Variants in CASD1 observed in about 807,000 individuals in gnomAD.
CASD1 encodes the protein N-acetylneuraminate (7)9-O-acetyltransferase.
In CASD1, 41 loss-of-function variants were observed where a neutral mutation model predicts 100.0. The observed-to-expected ratio is 0.41, with a 90% CI of 0.32 to 0.53. The LOEUF is 0.53. Among genes scored for constraint, CASD1 ranks in the 20% least tolerant of loss-of-function variants. The pLI is 0.25. For synonymous variants in CASD1, 321 were observed against 315.6 expected (o/e 1.02, Z -0.18); for missense variants, 774 against 948.7 (o/e 0.82, Z 2.42).
intron 13 of CASD1, among the ~76,000 whole-genome samples, chr7:94,547,672 C>A (rs1029589336): frequency 1.3e-5 from 2 of 151,458 alleles, no homozygotes; most frequent in Non-Finnish European, 1.5e-5. Context: ...TTAGCTCTAA[C>A]CTTGTATTTT....
chr7:94,558,449 C>T (rs1362860029), downstream of CASD1, among the ~76,000 whole-genome samples: 1 of 152,060 alleles, frequency 6.6e-6, no homozygotes, highest in Non-Finnish European at 1.5e-5. Context: ...GAAAGAAATT[C>T]AATTCTTCAC....
rs773217408 is a variant in CASD1 at position 94,555,933 on chromosome 7, A to T, written c.*175A>T. ...GGTTGTATATATTGGAAATGTACATATCCAATATGAAATACTAAAACAAAC... is the reference window on the plus strand; with the variant it reads ...GGTTGTATATATTGGAAATGTACATTTCCAATATGAAATACTAAAACAAAC... On this transcript the variant is annotated 3_prime_UTR_variant, in exon 18 of 18. Coordinates refer to ENST00000297273, the MANE Select transcript of CASD1 (RefSeq NM_022900.5). 3.9e-5 allele frequency: 24 copies of T among 607,976 alleles called. No homozygotes were observed. Among genetic ancestry groups the T allele is most frequent in the Admixed American group, 2.0e-4 (6 of 30,596 alleles). 37.7% of individuals were successfully genotyped at this position (607,976 alleles called of 1,614,324 possible). A position where few individuals can be genotyped will look rare whatever the true frequency, so the allele number is the denominator to read the frequency against.
intron 9 of CASD1, 106 bp downstream of exon 9, chr7:94,538,000 T>C (rs745669660): frequency 1.6e-5 from 11 of 686,226 alleles, no homozygotes; most frequent in Admixed American, 1.5e-4. Context: ...CAAACAGGTA[T>C]AGAGATGAAG....
intron 12 of CASD1, 88 bp downstream of exon 12, chr7:94,545,789 T>A: frequency 1.3e-6 from 1 of 791,748 alleles, no homozygotes; most frequent in Non-Finnish European, 2.0e-6. Flanking sequence ...TTATTTTTAT[T>A]AAGTGATGTA....
the CASD1 span, among the ~76,000 whole-genome samples, chr7:94,593,980 T>C: frequency 6.6e-6 from 1 of 152,070 alleles, no homozygotes; most frequent in Non-Finnish European, 1.5e-5. Flanking sequence ...CAAATTCCCA[T>C]ACTCAGAGCC....
chr7:94,537,960 A>T, intron 9 of CASD1, 66 bp downstream of exon 9: 1 of 876,574 alleles, frequency 1.1e-6, no homozygotes, highest in African/African-American at 1.7e-5. Flanking sequence ...TGTGTTAAAG[A>T]ACTAATATCA....
In CASD1 at chr7:94,510,080, C is replaced by T. The variant is rs757794030; in HGVS notation, c.-5C>T. 5 of 1,515,548 alleles carry T rather than the reference C, an allele frequency of 3.3e-6. No individual in the cohort carries two copies. In the South Asian group the frequency reaches 3.7e-5, roughly 11 times the overall value. The allele number at this position is 1,515,548 out of a possible 1,614,324, so 93.9% of individuals were successfully genotyped here. On this transcript the variant is annotated 5_prime_UTR_variant, in exon 1 of 18. Coordinates refer to ENST00000297273, the MANE Select transcript of CASD1 (RefSeq NM_022900.5). ...GCCGCGCACTGTTGTCATGGAGGAA[C>T]CAAGATGGCGGCTCTGGCCTACAAC...
the CASD1 span, chr7:94,588,591 TG>T: frequency 1.3e-6 from 2 of 1,555,052 alleles, no homozygotes; most frequent in Non-Finnish European, 8.7e-7. Context: ...TTGCCTTATT[TG>T]GTGAAGATAA....
At chr7:94,567,652 C>T in the CASD1 span, among the ~76,000 whole-genome samples, 1 of 152,176 alleles carries the variant, frequency 6.6e-6, no homozygotes, top group African/African-American at 2.4e-5. Context: ...GGAATGTCTA[C>T]TGTTGCCAGC....
chr7:94,576,459 G>C, the CASD1 span, among the ~76,000 whole-genome samples: 1 of 152,188 alleles, frequency 6.6e-6, no homozygotes, highest in Non-Finnish European at 1.5e-5. Flanking sequence ...GTAAACACCT[G>C]TTTTTGTATG....
At chr7:94,626,270 T>C in the CASD1 span, 1 of 152,118 alleles carries the variant, frequency 6.6e-6, no homozygotes, top group Non-Finnish European at 1.5e-5. Flanking sequence ...AAACAGACAT[T>C]CACAAATTTC....
At chr7:94,628,137 TACACAC>T in the CASD1 span, 417 of 991,938 alleles carry the variant, frequency 4.2e-4, 2 homozygotes, top group African/African-American at 5.3e-3. Flanking sequence ...CAAATTACAA[TACACAC>T]ACACACACAC....
At chr7:94,547,341 T>C (rs191383281) in intron 13 of CASD1, among the ~76,000 whole-genome samples, 166 bp downstream of exon 13, 2 of 151,988 alleles carry the variant, frequency 1.3e-5, no homozygotes, top group East Asian at 1.9e-4. Flanking sequence ...TTTTGAGATA[T>C]ATATACTTTG....
At chr7:94,580,073 G>A in the CASD1 span, among the ~76,000 whole-genome samples, 9 of 152,068 alleles carry the variant, frequency 5.9e-5, no homozygotes, top group African/African-American at 2.2e-4. Flanking sequence ...ACCACTATCC[G>A]AGTCAAAGCT....
At chr7:94,628,358 G>C in the CASD1 span, 1 of 1,604,806 alleles carries the variant, frequency 6.2e-7, no homozygotes, top group Non-Finnish European at 8.5e-7. Flanking sequence ...TACTAATCTC[G>C]CCTAGATAAG....
chr7:94,607,012 A>G, the CASD1 span, among the ~76,000 whole-genome samples: 1 of 152,164 alleles, frequency 6.6e-6, no homozygotes, highest in Non-Finnish European at 1.5e-5. Context: ...TTAGAAAAGA[A>G]GAGAGATCTA....
chr7:94,607,891 T>G, the CASD1 span, among the ~76,000 whole-genome samples: 1 of 152,184 alleles, frequency 6.6e-6, no homozygotes, highest in African/African-American at 2.4e-5. Context: ...CTCCTAAAAC[T>G]AGTGAGTGAT....
the CASD1 span, among the ~76,000 whole-genome samples, chr7:94,601,377 C>G: frequency 1.5e-5 from 2 of 132,586 alleles, no homozygotes; most frequent in Non-Finnish European, 3.1e-5. Flanking sequence ...ACAGAAGTAA[C>G]TTTTATGGAA....
the CASD1 span, chr7:94,598,751 T>G: frequency 6.0e-6 from 9 of 1,495,030 alleles, no homozygotes; most frequent in African/African-American, 1.2e-4. Context: ...ATATTAATAA[T>G]TATGGCTCTA....
Sources: allele counts gnomAD v4.1 joint callset (sites outside exome capture counted in the v4.1 genomes callset), GRCh38; gene constraint gnomAD v4.1.1; transcripts MANE v1.5; gene names NCBI Gene and HGNC (gene_info 2026-07-23, HGNC 2026-07-21).